The following DENND5A variants were observed in gnomAD, a reference collection of about 807,000 sequenced individuals.
DENND5A encodes the protein DENN domain-containing protein 5A.
Under a neutral mutation model 140.3 loss-of-function variants are expected in DENND5A, and 64 were observed. The ratio of observed to expected loss-of-function variants is 0.46; its 90% CI spans 0.37 to 0.56. The LOEUF is 0.56. Among genes scored for constraint, DENND5A ranks in the 20% least tolerant of loss-of-function variants. The pLI, the probability that DENND5A is intolerant of heterozygous loss-of-function variation, is 0.00. For missense variants in DENND5A, 1,292 were observed against 1,593.8 expected (o/e 0.81, Z 3.22); for synonymous variants, 605 against 607.7 (o/e 1.00, Z 0.07).
At chr11:9,227,478 G>A in intron 1 of DENND5A, among the ~76,000 whole-genome samples, 1 of 152,172 alleles carries the variant, frequency 6.6e-6, no homozygotes. Context: ...CTAGGCAAAG[G>A]AGTCCCCTCA....
intron 1 of DENND5A, among the ~76,000 whole-genome samples, chr11:9,251,138 C>CAAAAAAAA (rs887593530): frequency 2.0e-4 from 18 of 89,716 alleles, no homozygotes; most frequent in South Asian, 3.5e-4. Context: ...CCATCTCAAA[C>CAAAAAAAA]AAAAAAAAAA....
rs1323476050 is a variant in DENND5A at position 9,184,930 on chromosome 11, G to A, written c.1138-3846C>T. On this transcript the variant is annotated intron_variant, in intron 5 of 22. Coordinates refer to ENST00000328194, the MANE Select transcript of DENND5A (RefSeq NM_015213.4). Reference sequence around the variant, plus strand: ...TATCAGGCTGGGCACAGTGCCTCACGCCTGTAATCCCAGCACTTTGGGAGG... The same window carrying A: ...TATCAGGCTGGGCACAGTGCCTCACACCTGTAATCCCAGCACTTTGGGAGG... Among the ~76,000 whole-genome samples, 3 of 152,094 alleles carry A rather than the reference G, an allele frequency of 2.0e-5. 1 individual carries two copies. Among genetic ancestry groups the A allele is most frequent in the East Asian group, 3.8e-4 (2 of 5,198 alleles).
chr11:9,146,838 A>T, intron 16 of DENND5A, 192 bp downstream of exon 16: 1 of 617,282 alleles, frequency 1.6e-6, no homozygotes, highest in Non-Finnish European at 2.8e-6. Flanking sequence ...AGTTCAGAAC[A>T]AGAATGAGAA....
chr11:9,164,065 T>A (rs893575203), intron 11 of DENND5A, among the ~76,000 whole-genome samples: 1 of 83,940 alleles, frequency 1.2e-5, no homozygotes, highest in Non-Finnish European at 2.5e-5. Context: ...GGTTTTTTTT[T>A]TTTTTTTTTT....
At chr11:9,223,932 C>A (rs1850424831) in intron 1 of DENND5A, among the ~76,000 whole-genome samples, 1 of 152,178 alleles carries the variant, frequency 6.6e-6, no homozygotes, top group African/African-American at 2.4e-5. Context: ...TGGCTCATGC[C>A]TGTAATCCCA....
At chr11:9,196,202 C>T (rs1849322590) in intron 4 of DENND5A, among the ~76,000 whole-genome samples, 1 of 152,162 alleles carries the variant, frequency 6.6e-6, no homozygotes, top group Non-Finnish European at 1.5e-5. Flanking sequence ...ATCCACCCAC[C>T]TCGGCCTCCC....
chr11:9,149,986 A>G, intron 15 of DENND5A, 95 bp downstream of exon 15: 4 of 1,485,804 alleles, frequency 2.7e-6, no homozygotes, highest in Middle Eastern at 2.5e-4. Context: ...TGCAGCAGCA[A>G]TGTCACACTG....
intron 1 of DENND5A, among the ~76,000 whole-genome samples, chr11:9,254,257 T>G (rs186082857): frequency 6.6e-6 from 1 of 151,568 alleles, no homozygotes; most frequent in East Asian, 1.9e-4. Context: ...GCTCAGAAAT[T>G]CGAGGCTCAG....
chr11:9,247,154 C>A (rs186222914), intron 1 of DENND5A, among the ~76,000 whole-genome samples: 1 of 150,852 alleles, frequency 6.6e-6, no homozygotes, highest in Non-Finnish European at 1.5e-5. Context: ...GGCGTGAACC[C>A]GGGAGGCGGA....
intron 12 of DENND5A, among the ~76,000 whole-genome samples, chr11:9,152,997 CAA>C (rs112900005): frequency 2.8e-5 from 3 of 107,136 alleles, no homozygotes; most frequent in Non-Finnish European, 3.9e-5. Flanking sequence ...GACGCCGTCT[CAA>C]AAAAAAAAAA....
chr11:9,262,740 AT>A (rs56033458), intron 1 of DENND5A, among the ~76,000 whole-genome samples: 12 of 149,280 alleles, frequency 8.0e-5, no homozygotes, highest in African/African-American at 2.9e-4. Context: ...CATCAAAATA[AT>A]TTTTTTTTTT....
intron 8 of DENND5A, among the ~76,000 whole-genome samples, chr11:9,177,487 A>C (rs1161272991): frequency 1.0e-4 from 8 of 77,636 alleles, no homozygotes; most frequent in East Asian, 7.9e-4. Flanking sequence ...TGTCTCCACA[A>C]AAAAAAAAAA....
At chr11:9,228,569 T>C (rs1402347425) in intron 1 of DENND5A, among the ~76,000 whole-genome samples, 1 of 151,884 alleles carries the variant, frequency 6.6e-6, no homozygotes, top group Non-Finnish European at 1.5e-5. Flanking sequence ...AACAACATAG[T>C]GAAACCCCAT....
chr11:9,215,860 A>G (rs1220029226), intron 1 of DENND5A, among the ~76,000 whole-genome samples: 1 of 152,122 alleles, frequency 6.6e-6, no homozygotes, highest in East Asian at 1.9e-4. Context: ...GTTCTTTTAT[A>G]TAATTAATAA....
chr11:9,260,850 G>C lies in DENND5A; in HGVS notation c.109+4111C>G, dbSNP rs574495293. Among the ~76,000 whole-genome samples, 19 of 152,130 alleles carry C rather than the reference G, an allele frequency of 1.2e-4. No individual in the cohort carries two copies. In the South Asian group the frequency reaches 3.7e-3, roughly 30 times the overall value. Reference sequence around the variant, plus strand: ...TGGGTTTTTTTATTTTTTATTTTTAGTTGTATTTGTTTATTTGAGACAGGG... The same window carrying C: ...TGGGTTTTTTTATTTTTTATTTTTACTTGTATTTGTTTATTTGAGACAGGG... On this transcript the variant is annotated intron_variant, in intron 1 of 22. Coordinates refer to ENST00000328194, the MANE Select transcript of DENND5A (RefSeq NM_015213.4).
rs1849599594 is a variant in DENND5A, at chr11:9,203,829, C to A, written c.780G>T (p.Leu260Phe). Residue 260 changes from leucine to phenylalanine, a missense_variant, in exon 4 of 23, where the codon TTG becomes TTT. Leu to Phe is a conservative substitution (Grantham distance 22). Around this residue, in one of 4 missense-constraint regions of DENND5A, gnomAD observed 566 missense variants for 650.4 expected, o/e 0.87. Transcript: ENST00000328194. Reference protein sequence around the residue: ...EVPLPPPGRSLKFSGVYGPII... With the variant: ...EVPLPPPGRSFKFSGVYGPII... The stretch of plus-strand genomic sequence containing the variant: ...TTGGCCCATAGACCCCAGAAAACTT[C>A]AAGGACCGGCCAGGAGGTGGGAGCG... 2 of 1,614,156 alleles carry A rather than the reference C, an allele frequency of 1.2e-6. No individual in the cohort carries two copies. The highest frequency in any genetic ancestry group is 1.7e-6 in the Non-Finnish European group (2 of 1,180,014).
chr11:9,144,436 C>T (rs1215893871), intron 18 of DENND5A, among the ~76,000 whole-genome samples, 158 bp from the exon 19 acceptor site: 2 of 152,212 alleles, frequency 1.3e-5, no homozygotes, highest in African/African-American at 2.4e-5. Flanking sequence ...CAGAGAATCA[C>T]CCTGAGTGGC....
intron 4 of DENND5A, among the ~76,000 whole-genome samples, chr11:9,198,379 G>A (rs938650825): frequency 2.0e-5 from 3 of 151,454 alleles, no homozygotes; most frequent in Non-Finnish European, 2.9e-5. Context: ...CTTTGAGGCC[G>A]AGGCGGGTGG....
intron 5 of DENND5A, among the ~76,000 whole-genome samples, chr11:9,191,628 G>A (rs556654429): frequency 3.3e-5 from 5 of 152,288 alleles, no homozygotes; most frequent in Non-Finnish European, 4.4e-5. Context: ...TTGTATAGCC[G>A]TATACATGAA....
Sources: gnomAD v4.1 joint callset for allele counts (sites outside exome capture counted in the v4.1 genomes callset) on GRCh38, gnomAD v4.1.1 for gene constraint, gnomAD v4.1.1 regional missense constraint, MANE v1.5 for transcripts, NCBI Gene and HGNC (gene_info 2026-07-23, HGNC 2026-07-21) for gene names.